The following LARGE1 variants were observed in gnomAD, a reference collection of about 807,000 sequenced individuals.
LARGE1 encodes xylosyl- and glucuronyltransferase LARGE1.
Under a neutral mutation model 87.6 loss-of-function variants are expected in LARGE1, and 43 were observed. The observed-to-expected ratio is 0.49, with a 90% CI of 0.38 to 0.63. The LOEUF is 0.63. Among genes scored for constraint, LARGE1 ranks in the 30% least tolerant of loss-of-function variants. The pLI, the probability that LARGE1 is intolerant of heterozygous loss-of-function variation, is 0.00. For missense variants in LARGE1, 802 were observed against 1,000.2 expected (o/e 0.80, Z 2.67); for synonymous variants, 434 against 394.6 (o/e 1.10, Z -1.18).
At chr22:33,239,542 T>C (rs1926411967) in intron 11 of LARGE1, among the ~76,000 whole-genome samples, 1 of 137,486 alleles carries the variant, frequency 7.3e-6, no homozygotes, top group African/African-American at 2.7e-5. Flanking sequence ...TTTCTTTTTT[T>C]TTTTTTTTTT....
the LARGE1 span, among the ~76,000 whole-genome samples, chr22:33,089,412 C>G: frequency 2.5e-5 from 3 of 118,734 alleles, no homozygotes; most frequent in African/African-American, 1.2e-4. Flanking sequence ...TCTTCTTCTT[C>G]TACTTCTTCT....
chr22:33,709,257 G>C (rs1472790975), intron 2 of LARGE1, among the ~76,000 whole-genome samples: 1 of 152,112 alleles, frequency 6.6e-6, no homozygotes, highest in African/African-American at 2.4e-5. Context: ...AGCAGAGCCA[G>C]GTTTAAAATC....
chr22:33,690,561 A>G (rs1248086596), intron 2 of LARGE1, among the ~76,000 whole-genome samples: 1 of 152,016 alleles, frequency 6.6e-6, no homozygotes, highest in East Asian at 1.9e-4. Flanking sequence ...AGACCTGGGG[A>G]AAAAGAGGGA....
rs2064445279 is a variant in LARGE1 at position 33,363,077 on chromosome 22, G to A, written c.1131+18842C>T. Reference sequence around the variant, plus strand: ...TTTCAATCATCTGACCCAGCATGGGGCTCCCGCTTTTCCCACAGGGGGCTG... The same window carrying A: ...TTTCAATCATCTGACCCAGCATGGGACTCCCGCTTTTCCCACAGGGGGCTG... On this transcript the variant is annotated intron_variant, in intron 9 of 14. Coordinates refer to ENST00000397394, the MANE Select transcript of LARGE1 (RefSeq NM_133642.5). 1.3e-5 allele frequency among the ~76,000 whole-genome samples: 2 copies of A among 150,020 alleles called. 1 individual carries two copies. Among genetic ancestry groups the A allele is most frequent in the Non-Finnish European group, 3.0e-5 (2 of 67,216 alleles).
intron 12 of LARGE1, among the ~76,000 whole-genome samples, chr22:33,303,241 T>G (rs1934400814): frequency 6.6e-6 from 1 of 152,166 alleles, no homozygotes. Context: ...TGGGGGGAGC[T>G]GGAAAGGGAC....
chr22:33,433,205 T>C (rs2067144400), intron 6 of LARGE1, among the ~76,000 whole-genome samples: 2 of 152,206 alleles, frequency 1.3e-5, no homozygotes, highest in Non-Finnish European at 1.5e-5. Context: ...CTACATTTGT[T>C]TGAAACAAAG....
intron 6 of LARGE1, among the ~76,000 whole-genome samples, chr22:33,559,314 TG>T (rs2031448039): frequency 6.6e-6 from 1 of 152,224 alleles, no homozygotes; most frequent in African/African-American, 2.4e-5. Context: ...CCTGAGTAGC[TG>T]GGATTACAGG....
At chr22:33,516,519 C>T (rs2148476353) in intron 6 of LARGE1, among the ~76,000 whole-genome samples, 1 of 152,242 alleles carries the variant, frequency 6.6e-6, no homozygotes. Flanking sequence ...ACAGCTGGTC[C>T]TGCATCCCAT....
chr22:33,124,259 C>A, the LARGE1 span, among the ~76,000 whole-genome samples: 2 of 151,338 alleles, frequency 1.3e-5, no homozygotes, highest in Non-Finnish European at 2.9e-5. Flanking sequence ...GCCAAGATCG[C>A]ACCACTGCAC....
At chr22:33,127,050 C>T in the LARGE1 span, among the ~76,000 whole-genome samples, 1 of 152,224 alleles carries the variant, frequency 6.6e-6, no homozygotes, top group Non-Finnish European at 1.5e-5. Flanking sequence ...GGTCCTGAAG[C>T]TGCTTGTGTC....
chr22:33,385,507 G>A (rs1441443498), intron 7 of LARGE1, among the ~76,000 whole-genome samples: 4 of 101,634 alleles, frequency 3.9e-5, no homozygotes, highest in Non-Finnish European at 5.4e-5. Flanking sequence ...CAGCCTGGAC[G>A]ACAGCGCAGG....
At chr22:33,919,340 A>ACATATCCT (rs1174105387) in intron 1 of LARGE1, among the ~76,000 whole-genome samples, 1 of 152,226 alleles carries the variant, frequency 6.6e-6, no homozygotes. Context: ...TTGAGGATAC[A>ACATATCCT]CAAACTTTGG....
At chr22:33,070,713 C>T in the LARGE1 span, among the ~76,000 whole-genome samples, 1 of 152,152 alleles carries the variant, frequency 6.6e-6, no homozygotes, top group Non-Finnish European at 1.5e-5. Context: ...ACCTGAACAG[C>T]TGAGGCTTCT....
intron 4 of LARGE1, among the ~76,000 whole-genome samples, chr22:33,611,713 T>C (rs2149012674): frequency 6.6e-6 from 1 of 152,294 alleles, no homozygotes; most frequent in East Asian, 1.9e-4. Flanking sequence ...ACATGACATT[T>C]CGGGGGCCAG....
chr22:33,721,916 A>G (rs1394010972), intron 2 of LARGE1, among the ~76,000 whole-genome samples: 1 of 152,064 alleles, frequency 6.6e-6, no homozygotes, highest in African/African-American at 2.4e-5. Flanking sequence ...ATATTGTTTT[A>G]TAGGCAGCAG....
chr22:33,351,825 G>A (rs190311940), intron 9 of LARGE1, among the ~76,000 whole-genome samples: 10 of 151,566 alleles, frequency 6.6e-5, no homozygotes, highest in African/African-American at 1.7e-4. Flanking sequence ...CACTGCAACC[G>A]CCTCCTGGGT....
At chr22:33,672,550 G>C (rs1009875755) in intron 2 of LARGE1, among the ~76,000 whole-genome samples, 3 of 152,160 alleles carry the variant, frequency 2.0e-5, no homozygotes, top group African/African-American at 7.2e-5. Context: ...CCTAGGAGAG[G>C]ACTTGATACT....
At chr22:33,069,666 T>C in the LARGE1 span, among the ~76,000 whole-genome samples, 1 of 152,210 alleles carries the variant, frequency 6.6e-6, no homozygotes, top group African/African-American at 2.4e-5. Context: ...ATAAGTACCC[T>C]ATAAATTTTA....
chr22:33,477,381 A>C (rs2069126057), intron 6 of LARGE1, among the ~76,000 whole-genome samples: 1 of 152,230 alleles, frequency 6.6e-6, no homozygotes, highest in Non-Finnish European at 1.5e-5. Flanking sequence ...ATGCCGTCTA[A>C]AGATGCTTTG....
Sources: gnomAD v4.1 joint callset for allele counts (sites outside exome capture counted in the v4.1 genomes callset) on GRCh38, gnomAD v4.1.1 for gene constraint, MANE v1.5 for transcripts, NCBI Gene and HGNC (gene_info 2026-07-23, HGNC 2026-07-21) for gene names.